The following CFAP99 variants were observed in gnomAD, a reference collection of about 807,000 sequenced individuals.
CFAP99 encodes cilia and flagella associated protein 99.
A neutral mutation model predicts 82.7 loss-of-function variants in CFAP99; 84 were observed. That is an observed-to-expected ratio of 1.02 (90% CI 0.85 to 1.22). The LOEUF is 1.22. CFAP99 is among the 50% of genes most tolerant of loss of function. The pLI is 0.00. For missense variants in CFAP99, 1,059 were observed against 983.5 expected (o/e 1.08, Z -1.03); for synonymous variants, 456 against 429.5 (o/e 1.06, Z -0.76).
In CFAP99 at chr4:2,453,915, G is replaced by A. The variant is rs577360009; in HGVS notation, c.1161+1569G>A. The stretch of plus-strand genomic sequence containing the variant: ...TGCAACTTCCGCCTCCCGGGTTCAA[G>A]TGATTCTCCTGCCTCAGTCTCCTGA... On this transcript the variant is annotated intron_variant, in intron 11 of 14. Coordinates refer to ENST00000635017, the Ensembl canonical transcript of CFAP99. Among the ~76,000 whole-genome samples the A allele has an allele frequency of 7.9e-5, 12 of 151,884 alleles. No individual in the cohort carries two copies. The East Asian group carries it at 2.3e-3, about 29-fold the overall frequency.
At chr4:2,427,074 G>A (rs753138610) in intron 2 of CFAP99, 13 of 170,752 alleles carry the variant, frequency 7.6e-5, no homozygotes, top group Non-Finnish European at 9.0e-5. Flanking sequence ...TGAGGCTCCC[G>A]GGGAGCCGAG....
At chr4:2,428,457 T>C (rs1214928018) in intron 2 of CFAP99, 1 of 152,410 alleles carries the variant, frequency 6.6e-6, no homozygotes, top group Admixed American at 6.5e-5. Context: ...ATCTAACAGA[T>C]TCCTCGAAGT....
At chr4:2,456,187 TTTTTG>T (rs952079635) in intron 11 of CFAP99, among the ~76,000 whole-genome samples, 3 of 152,134 alleles carry the variant, frequency 2.0e-5, no homozygotes, top group Non-Finnish European at 2.9e-5. Context: ...TACCAGGTTT[TTTTTG>T]TTTTGTTTTA....
At chr4:2,454,037 C>T (rs962246858) in intron 11 of CFAP99, among the ~76,000 whole-genome samples, 11 of 151,736 alleles carry the variant, frequency 7.2e-5, no homozygotes, top group African/African-American at 2.7e-4. Context: ...CTTGCTCTGT[C>T]GCCCGGGCTG....
At chr4:2,421,237 T>C (rs1394782256) in intron 1 of CFAP99, among the ~76,000 whole-genome samples, 2 of 152,104 alleles carry the variant, frequency 1.3e-5, no homozygotes, top group African/African-American at 4.8e-5. Context: ...TATCTCCTAG[T>C]GGTTGAGAGT....
chr4:2,426,857 G>C lies in CFAP99; in HGVS notation c.111+271G>C, dbSNP rs79026656. On this transcript the variant is annotated intron_variant, in intron 2 of 14. Coordinates refer to ENST00000635017, the Ensembl canonical transcript of CFAP99. Reference sequence around the variant, plus strand: ...GGTTCCATCCTCAGTCAACACAGATGAGAAGGGTCAGCCCTGGAGCGCCCC... The same window carrying C: ...GGTTCCATCCTCAGTCAACACAGATCAGAAGGGTCAGCCCTGGAGCGCCCC... The C allele has an allele frequency of 4.3e-4, 193 of 452,066 alleles. 1 individual carries two copies. Among genetic ancestry groups the C allele is most frequent in the Admixed American group, 7.1e-4 (21 of 29,436 alleles). 28.0% of individuals were successfully genotyped at this position (452,066 alleles called of 1,614,324 possible).
At position 2,448,425 on chromosome 4, in the gene CFAP99, C is replaced by T. The variant is rs1403620463; in HGVS notation, c.643-1245C>T. 6.6e-6 allele frequency among the ~76,000 whole-genome samples: 1 copy of T among 152,202 alleles called. No individual in the cohort carries two copies. The highest frequency in any genetic ancestry group is 1.5e-5 in the Non-Finnish European group (1 of 68,024). On this transcript the variant is annotated intron_variant, in intron 6 of 14. Transcript: ENST00000635017. The surrounding 1 kb of genome is among the most constrained non-coding windows in gnomAD (Gnocchi z 5.2). ...GTGGCTGTGCTGAAACTATCCTCTA[C>T]CCTCCCTGCCCTGCCCCATGCCTAA...
At position 2,449,961 on chromosome 4, in the gene CFAP99, GA is replaced by G; in HGVS notation, c.753del (p.Glu251AspfsTer35). 1.3e-6 allele frequency: 2 copies of G among 1,536,170 alleles called. No homozygotes were observed. The highest frequency in any genetic ancestry group is 1.7e-6 in the Non-Finnish European group (2 of 1,146,926). ...GCTGCTGCTGAGGGCAAACATCGAGGAACTGCGCTGCGCCATGCCCAGGTCC... is the reference window on the plus strand; with the variant it reads ...GCTGCTGCTGAGGGCAAACATCGAGGACTGCGCTGCGCCATGCCCAGGTCC... On this transcript the variant is annotated frameshift_variant, in exon 8 of 15. Coordinates refer to ENST00000635017, the Ensembl canonical transcript of CFAP99. LOFTEE classifies it high-confidence loss of function.
intron 2 of CFAP99, among the ~76,000 whole-genome samples, chr4:2,433,951 G>A (rs576870962): frequency 6.6e-6 from 1 of 152,352 alleles, no homozygotes; most frequent in African/African-American, 2.4e-5. Flanking sequence ...CGCCTGACCC[G>A]ACATCCATCT....
exon 4 of CFAP99, chr4:2,438,108 G>C: frequency 6.5e-7 from 1 of 1,535,566 alleles, no homozygotes; most frequent in Non-Finnish European, 8.7e-7. Flanking sequence ...GGAGGAACTC[G>C]GCTTCCAGCT....
intron 11 of CFAP99, among the ~76,000 whole-genome samples, chr4:2,455,025 T>A (rs758792981): frequency 6.6e-6 from 1 of 152,054 alleles, no homozygotes; most frequent in Non-Finnish European, 1.5e-5. Context: ...GCTCAAACCA[T>A]CCTCCCATCT....
chr4:2,437,944 C>G (rs1733952164), intron 3 of CFAP99, 126 bp from the exon 4 acceptor site: 1 of 598,024 alleles, frequency 1.7e-6, no homozygotes, highest in Admixed American at 2.7e-5. Flanking sequence ...CAGGTGGGCA[C>G]CAATAGGGTG....
chr4:2,459,420 C>T (rs898097777), intron 13 of CFAP99, among the ~76,000 whole-genome samples, 162 bp downstream of exon 13: 2 of 152,210 alleles, frequency 1.3e-5, no homozygotes, highest in African/African-American at 4.8e-5. Flanking sequence ...GTGCCGCGGG[C>T]CTGGGTCTGG....
intron 10 of CFAP99, 105 bp downstream of exon 10, chr4:2,451,457 C>A: frequency 9.5e-7 from 1 of 1,052,352 alleles, no homozygotes; most frequent in Non-Finnish European, 1.4e-6. Context: ...GAGAGGGACT[C>A]GGGGGTCACA....
At chr4:2,432,141 T>A (rs958374628) in intron 2 of CFAP99, among the ~76,000 whole-genome samples, 8 of 152,240 alleles carry the variant, frequency 5.3e-5, no homozygotes, top group South Asian at 2.1e-4. Flanking sequence ...TTCCTCTCCA[T>A]GCAGCCATCC....
intron 5 of CFAP99, 101 bp from the exon 6 acceptor site, chr4:2,445,030 G>A: frequency 1.2e-6 from 1 of 859,158 alleles, no homozygotes; most frequent in Non-Finnish European, 1.6e-6. Context: ...ACCCCAAGGT[G>A]GACCCAATCG....
chr4:2,436,080 TC>T (rs1733901620), intron 2 of CFAP99, among the ~76,000 whole-genome samples: 1 of 121,674 alleles, frequency 8.2e-6, no homozygotes, highest in African/African-American at 3.8e-5. Context: ...CTCAAAAACT[TC>T]AAAAAAAAAA....
chr4:2,460,647 G>A (rs941248999), intron 14 of CFAP99, among the ~76,000 whole-genome samples: 1 of 152,210 alleles, frequency 6.6e-6, no homozygotes, highest in Admixed American at 6.5e-5. Context: ...ACAGCACCCT[G>A]ACACCAATAG....
intron 3 of CFAP99, 34 bp downstream of exon 3, chr4:2,437,052 T>C (rs1197299153): frequency 6.5e-7 from 1 of 1,535,106 alleles, no homozygotes; most frequent in East Asian, 2.4e-5. Context: ...GGCCAGGCCG[T>C]AGAGACGGTT....
Sources: gnomAD v4.1 joint callset for allele counts (sites outside exome capture counted in the v4.1 genomes callset) on GRCh38, gnomAD v4.1.1 for gene constraint, Gnocchi (gnomAD v3.1) non-coding constraint, MANE v1.5 for transcripts, NCBI Gene and HGNC (gene_info 2026-07-23, HGNC 2026-07-21) for gene names.